Variants in AP4B1 observed in about 807,000 individuals in gnomAD.
AP4B1 encodes the protein AP-4 complex subunit beta-1.
A neutral mutation model predicts 76.5 loss-of-function variants in AP4B1; 49 were observed. The observed-to-expected ratio is 0.64, with a 90% CI of 0.51 to 0.81. The LOEUF is 0.81. AP4B1 is among the 40% of genes least tolerant of loss of function. The pLI is 0.00. For missense variants in AP4B1, 911 were observed against 904.9 expected (o/e 1.01, Z -0.09); for synonymous variants, 330 against 333.3 (o/e 0.99, Z 0.11).
chr1:113,896,736 C>CCT, intron 7 of AP4B1: 1 of 518,664 alleles, frequency 1.9e-6, no homozygotes. Context: ...GGCCTTTGGC[C>CCT]CTATTGGGTT....
Position 113,894,728 on chromosome 1 carries a change from C to T in AP4B1, c.*337G>A, listed in dbSNP as rs923995923. On this transcript the variant is annotated 3_prime_UTR_variant, in exon 10 of 10. Coordinates refer to ENST00000369569, the MANE Select transcript of AP4B1 (RefSeq NM_001253852.3). ...TCCAGGGAAGAAAAGATGACCCCCACAAATGATGACCCCTATCAGTTTCCA... is the reference window on the plus strand; with the variant it reads ...TCCAGGGAAGAAAAGATGACCCCCATAAATGATGACCCCTATCAGTTTCCA... 2 of 278,854 alleles carry T rather than the reference C, an allele frequency of 7.2e-6. No individual in the cohort carries two copies. Among genetic ancestry groups the T allele is most frequent in the African/African-American group, 2.2e-5 (1 of 44,492 alleles). The allele number at this position is 278,854 out of a possible 1,614,324, so 17.3% of individuals were successfully genotyped here. A position where few individuals can be genotyped will look rare whatever the true frequency, so the allele number is the denominator to read the frequency against.
In AP4B1 at chr1:113,895,414, C is replaced by T. The variant is rs750402059; in HGVS notation, c.1871G>A (p.Arg624His). 9 of 1,614,150 alleles carry T rather than the reference C, an allele frequency of 5.6e-6. No individual in the cohort carries two copies. The highest frequency in any genetic ancestry group is 4.5e-5 in the East Asian group (2 of 44,882). ...CTCAAAATAATCAGCAGTAAGCTGG[C>T]GATTGGGGACTAGCATGAGGGCTCC... ...DSGALMLVPN[R>H]QLTADYFEKT... The change falls in exon 10 of 10, where the codon CGC (arginine) becomes CAC (histidine). Residue 624 changes from arginine to histidine, a missense_variant. Arg to His is a conservative substitution (Grantham distance 29, BLOSUM62 0). Coordinates refer to ENST00000369569, the MANE Select transcript of AP4B1 (RefSeq NM_001253852.3).
At chr1:113,903,870 C>T (rs967949979) in intron 1 of AP4B1, among the ~76,000 whole-genome samples, 4 of 152,200 alleles carry the variant, frequency 2.6e-5, no homozygotes, top group Non-Finnish European at 5.9e-5. Flanking sequence ...TGGGTTCCCT[C>T]CCACCCTACT....
At chr1:113,899,454 G>GACAAAA (rs1210094137) in intron 5 of AP4B1, 1 of 703,292 alleles carries the variant, frequency 1.4e-6, no homozygotes. Flanking sequence ...ATAGGACTTT[G>GACAAAA]AGTCAGGAAA....
intron 6 of AP4B1, 41 bp downstream of exon 6, chr1:113,898,677 C>T (rs778475942): frequency 6.7e-7 from 1 of 1,496,190 alleles, no homozygotes; most frequent in East Asian, 2.3e-5. Flanking sequence ...AGGCCAGGCA[C>T]CTGACAAAAA....
chr1:113,904,242 A>T (rs1668681351), intron 1 of AP4B1, among the ~76,000 whole-genome samples: 1 of 152,166 alleles, frequency 6.6e-6, no homozygotes, highest in Non-Finnish European at 1.5e-5. Flanking sequence ...AGGTTTGAGG[A>T]AGACGGAAGA....
At chr1:113,896,663 GA>G in intron 7 of AP4B1, 198 bp from the exon 8 acceptor site, 2 of 619,198 alleles carry the variant, frequency 3.2e-6, no homozygotes, top group Non-Finnish European at 5.7e-6. Context: ...TACACAAGAG[GA>G]AACTCAAAAC....
At chr1:113,896,097 G>A in intron 8 of AP4B1, 59 bp from the exon 9 acceptor site, 2 of 1,611,102 alleles carry the variant, frequency 1.2e-6, no homozygotes, top group South Asian at 1.1e-5. Flanking sequence ...TCCTACTCTT[G>A]TGCCAACCAT....
At chr1:113,899,050 A>G (rs999764712) in intron 5 of AP4B1, 28 of 1,252,414 alleles carry the variant, frequency 2.2e-5, no homozygotes, top group Middle Eastern at 3.0e-4. Context: ...CCCATTAAAC[A>G]AGGTTGAAAA....
chr1:113,901,448 G>C, intron 3 of AP4B1, 65 bp from the exon 4 acceptor site: 1 of 1,546,874 alleles, frequency 6.5e-7, no homozygotes, highest in Non-Finnish European at 8.9e-7. Flanking sequence ...GATGTAGCCA[G>C]AGTAATAGCT....
At position 113,897,940 on chromosome 1, in the gene AP4B1, A is replaced by G; in HGVS notation, c.1202T>C (p.Val401Ala). The change falls in exon 7 of 10, where the codon GTG becomes GCG. Residue 401 changes from valine to alanine, a missense_variant. Transcript: ENST00000369569. The part of the protein sequence containing the change: ...GLRQEHITTV[V>A]VQTFRDLVWL... The stretch of plus-strand genomic sequence containing the variant: ...AACCAGGTCTCGGAAAGTCTGCACC[A>G]CCACTACAATACAGGCCAGGGTACA... The G allele has an allele frequency of 6.2e-7, 1 of 1,614,128 alleles. No homozygotes were observed. The highest frequency in any genetic ancestry group is 8.5e-7 in the Non-Finnish European group (1 of 1,180,024).
At chr1:113,899,301 T>G (rs1213149078) in intron 5 of AP4B1, 35 of 1,018,018 alleles carry the variant, frequency 3.4e-5, no homozygotes, top group Non-Finnish European at 4.0e-5. Flanking sequence ...CTGTTTTCAG[T>G]TTTTGAGTCA....
chr1:113,894,910 A>T lies in AP4B1; in HGVS notation c.*155T>A. The T allele has an allele frequency of 1.3e-6, 1 of 788,060 alleles. No individual in the cohort carries two copies. The highest frequency in any genetic ancestry group is 2.0e-6 in the Non-Finnish European group (1 of 504,666). The allele number at this position is 788,060 out of a possible 1,614,324, so 48.8% of individuals were successfully genotyped here. ...CCAATAGGAATGAAAGGAATGAATC[A>T]ATGTTCTTTGGCCAAAAACTTAAGA... On this transcript the variant is annotated 3_prime_UTR_variant, in exon 10 of 10. Coordinates refer to ENST00000369569, the MANE Select transcript of AP4B1 (RefSeq NM_001253852.3).
At chr1:113,898,607 G>A in intron 6 of AP4B1, 111 bp downstream of exon 6, 1 of 866,644 alleles carries the variant, frequency 1.2e-6, no homozygotes, top group Non-Finnish European at 2.0e-6. Flanking sequence ...ATGATGCAAG[G>A]AAAAGTTCAA....
In AP4B1 at chr1:113,899,994, C is replaced by T. The variant is rs369461701; in HGVS notation, c.1024G>A (p.Asp342Asn). The T allele has an allele frequency of 3.7e-6, 6 of 1,614,066 alleles. No individual in the cohort carries two copies. The highest frequency in any genetic ancestry group is 1.7e-5 in the Admixed American group (1 of 60,004). ...TCTAGCACCTGCTGCACATTCTCAT[C>T]GTTCACCAGTTCACACAGCACCTCC... ...KVEVLCELVN[D>N]ENVQQVLEEL... Residue 342 changes from aspartate (D) to asparagine (N), a missense_variant, in exon 5 of 10, where the codon GAT becomes AAT. By Grantham distance (23) the Asp-to-Asn change is conservative (BLOSUM62 1). Coordinates refer to ENST00000369569, the MANE Select transcript of AP4B1 (RefSeq NM_001253852.3).
At position 113,896,077 on chromosome 1, in the gene AP4B1, A is replaced by G. The variant is rs769794768; in HGVS notation, c.1511-39T>C. On this transcript the variant is annotated intron_variant, in intron 8 of 9. Coordinates refer to ENST00000369569, the MANE Select transcript of AP4B1 (RefSeq NM_001253852.3). ...ACAGATTGACTTCATTAAAAACAAAACCACTTTCCTCCTACTCTTGTGCCA... is the reference window on the plus strand; with the variant it reads ...ACAGATTGACTTCATTAAAAACAAAGCCACTTTCCTCCTACTCTTGTGCCA... 3 of 1,613,866 alleles carry G rather than the reference A, an allele frequency of 1.9e-6. No individual in the cohort carries two copies. The South Asian group carries it at 3.3e-5, about 18-fold the overall frequency.
rs1417450612 is a variant in AP4B1, at chr1:113,900,321, G to A, written c.697C>T (p.Leu233=). Residue 233 remains leucine, a synonymous_variant, in exon 5 of 10, where the codon CTA becomes TTA. Transcript: ENST00000369569. ...LRYQPRSEEE[L]FDILNLLDSF... ...TCCAACAGATTGAGAATGTCAAATAGTTCTTCCTCACTGCGGGGTTGGTAG... is the reference window on the plus strand; with the variant it reads ...TCCAACAGATTGAGAATGTCAAATAATTCTTCCTCACTGCGGGGTTGGTAG... 1 of 1,608,150 alleles carries A rather than the reference G, an allele frequency of 6.2e-7. No homozygotes were observed. The highest frequency in any genetic ancestry group is 8.5e-7 in the Non-Finnish European group (1 of 1,177,328).
rs144579267 is a variant in AP4B1 at position 113,899,434 on chromosome 1, G to C, written c.1114+470C>G. On this transcript the variant is annotated intron_variant, in intron 5 of 9. Transcript: ENST00000369569. ...ATAGCAGAAGCTCAATAAATGACTG[G>C]TGGATTAACATAGGACTTTGAGTCA... 5.8e-4 allele frequency: 468 copies of C among 803,702 alleles called. 2 individuals carry two copies. The African/African-American group carries it at 8.4e-3, about 14-fold the overall frequency. The allele number at this position is 803,702 out of a possible 1,614,324, so 49.8% of individuals were successfully genotyped here.
intron 2 of AP4B1, 24 bp from the exon 3 acceptor site, chr1:113,901,909 G>A: frequency 6.2e-7 from 1 of 1,613,964 alleles, no homozygotes; most frequent in South Asian, 1.1e-5. Flanking sequence ...CCTGGAGTTA[G>A]CCAGATTCTG....
Sources: gnomAD v4.1 joint callset for allele counts (sites outside exome capture counted in the v4.1 genomes callset) on GRCh38, gnomAD v4.1.1 for gene constraint, MANE v1.5 for transcripts, NCBI Gene and HGNC (gene_info 2026-07-23, HGNC 2026-07-21) for gene names.